Variants in ERC1 observed in about 807,000 individuals in gnomAD.
ERC1 encodes the protein RAB6 interacting protein 2.
ERC1 carries 56 observed loss-of-function variants against 132.0 expected under a neutral mutation model. The observed-to-expected ratio is 0.42, with a 90% CI of 0.34 to 0.53. ERC1 has a LOEUF of 0.53. Among genes scored for constraint, ERC1 ranks in the 20% least tolerant of loss-of-function variants. ERC1 has a pLI of 0.03. For synonymous variants in ERC1, 478 were observed against 476.1 expected, an observed-to-expected ratio of 1.00 and a Z score of -0.05; for missense variants, 1,202 against 1,349.9, an observed-to-expected ratio of 0.89 and a Z score of 1.72.
chr12:1,219,631 C>T (rs1004770231), intron 12 of ERC1, among the ~76,000 whole-genome samples: 8 of 106,996 alleles, frequency 7.5e-5, no homozygotes, highest in African/African-American at 3.8e-4. Flanking sequence ...TCAGACTGAA[C>T]TCTCTTTTTT....
chr12:1,048,181 T>TG (rs1469334108), intron 2 of ERC1, among the ~76,000 whole-genome samples: 1 of 152,248 alleles, frequency 6.6e-6, no homozygotes, highest in African/African-American at 2.4e-5. Context: ...GCTATGTTGT[T>TG]GCTCTTCCCA....
intron 12 of ERC1, among the ~76,000 whole-genome samples, chr12:1,222,391 A>G (rs1959074786): frequency 6.6e-6 from 1 of 151,792 alleles, no homozygotes; most frequent in Admixed American, 6.6e-5. Flanking sequence ...ATGCCCAGCT[A>G]ATTTTTGTAT....
chr12:1,135,532 A>C (rs1449887929), intron 7 of ERC1, among the ~76,000 whole-genome samples: 1 of 152,214 alleles, frequency 6.6e-6, no homozygotes, highest in Middle Eastern at 3.2e-3. Flanking sequence ...GAATGTGACC[A>C]TATTTGGAAA....
At chr12:1,235,994 C>T (rs908565711) in intron 12 of ERC1, among the ~76,000 whole-genome samples, 4 of 151,554 alleles carry the variant, frequency 2.6e-5, no homozygotes, top group Admixed American at 2.6e-4. Context: ...AGATACATTA[C>T]ACTCTGAATG....
intron 7 of ERC1, among the ~76,000 whole-genome samples, chr12:1,137,578 G>A (rs1949380850): frequency 1.3e-5 from 2 of 151,902 alleles, no homozygotes; most frequent in South Asian, 2.1e-4. Context: ...GGCCAGGAGC[G>A]GTGGCTCACG....
chr12:993,111 A>C (rs572690447), intron 1 of ERC1, among the ~76,000 whole-genome samples: 24 of 152,368 alleles, frequency 1.6e-4, no homozygotes, highest in African/African-American at 5.8e-4. Context: ...ATAGGTATTA[A>C]GTGAGAAAGT....
rs553527024 is a variant in ERC1, at chr12:1,173,006, C to T, written c.1738-7534C>T. On this transcript the variant is annotated intron_variant, in intron 8 of 18. Transcript: ENST00000360905. ...GTATGTTTCATCCATGAAGGATGTA[C>T]TTTTCCATTTGCAGTGGTTTGGTAC... Among the ~76,000 whole-genome samples the T allele has an allele frequency of 2.0e-5, 3 of 152,250 alleles. No individual in the cohort carries two copies. The South Asian group carries it at 6.2e-4, about 32-fold the overall frequency.
At chr12:1,399,057 C>T (rs894133890) in intron 16 of ERC1, among the ~76,000 whole-genome samples, 8 of 150,628 alleles carry the variant, frequency 5.3e-5, no homozygotes, top group Admixed American at 2.0e-4. Flanking sequence ...GCAATCCTCC[C>T]ACCTCAGCCT....
intron 12 of ERC1, among the ~76,000 whole-genome samples, chr12:1,225,497 G>T (rs1270093243): frequency 7.1e-6 from 1 of 140,374 alleles, no homozygotes; most frequent in African/African-American, 2.9e-5. Context: ...CACACACGGA[G>T]TGGTTGATTG....
chr12:1,294,951 C>T (rs573468239), intron 15 of ERC1, among the ~76,000 whole-genome samples: 1 of 152,266 alleles, frequency 6.6e-6, no homozygotes, highest in African/African-American at 2.4e-5. Context: ...TCCATTTAAT[C>T]ATAAGCTTTT....
At chr12:1,338,894 T>C (rs897595956) in intron 15 of ERC1, among the ~76,000 whole-genome samples, 3 of 152,204 alleles carry the variant, frequency 2.0e-5, no homozygotes, top group Non-Finnish European at 4.4e-5. Flanking sequence ...GTTCTCTGGC[T>C]CCTCTGAGGT....
chr12:1,190,112 T>A (rs1284074068), intron 12 of ERC1, 60 bp downstream of exon 12: 1 of 1,409,790 alleles, frequency 7.1e-7, no homozygotes, highest in Non-Finnish European at 1.0e-6. Flanking sequence ...AAAGTATGCT[T>A]TTGGGGACAT....
chr12:1,285,855 A>T (rs1018327099), intron 14 of ERC1, among the ~76,000 whole-genome samples: 1 of 152,256 alleles, frequency 6.6e-6, no homozygotes, highest in African/African-American at 2.4e-5. Context: ...AGAAAAGCTT[A>T]GGCCTGTCTC....
rs893920158 is a variant in ERC1, at chr12:1,098,116, C to T, written c.1087-6634C>T. On this transcript the variant is annotated intron_variant, in intron 3 of 18. Coordinates refer to ENST00000360905, the MANE Select transcript of ERC1 (RefSeq NM_178040.4). ...GACTGCTGTTCTTTGTTTGGGCTTT[C>T]CCTCCCTACGCCCCATACTAGACAT... 2.0e-5 allele frequency among the ~76,000 whole-genome samples: 3 copies of T among 152,178 alleles called. No individual in the cohort carries two copies. The East Asian group carries it at 5.8e-4, about 29-fold the overall frequency.
At chr12:1,451,282 C>G (rs1285389348) in intron 18 of ERC1, among the ~76,000 whole-genome samples, 1 of 151,892 alleles carries the variant, frequency 6.6e-6, no homozygotes, top group Non-Finnish European at 1.5e-5. Context: ...CTGTGTATGT[C>G]TGAATTTCCA....
At chr12:1,202,499 A>T (rs761221940) in intron 12 of ERC1, among the ~76,000 whole-genome samples, 1 of 152,122 alleles carries the variant, frequency 6.6e-6, no homozygotes, top group East Asian at 1.9e-4. Context: ...TCTACAAAAA[A>T]TACAAATATT....
At chr12:1,307,534 C>T (rs745375402) in intron 15 of ERC1, among the ~76,000 whole-genome samples, 18 of 152,286 alleles carry the variant, frequency 1.2e-4, no homozygotes, top group Non-Finnish European at 1.6e-4. Flanking sequence ...TGGGTGCATC[C>T]TTTCTGCGTC....
At chr12:1,400,916 ATTTTTTTTTTTTT>A (rs869202443) in intron 16 of ERC1, among the ~76,000 whole-genome samples, 1 of 15,056 alleles carries the variant, frequency 6.6e-5, no homozygotes, top group Non-Finnish European at 1.1e-4. Flanking sequence ...CTATTTTTGT[ATTTTTTTTTTTTT>A]TTTTTTTTTT....
intron 12 of ERC1, among the ~76,000 whole-genome samples, chr12:1,199,251 C>T (rs1956661534): frequency 3.3e-5 from 5 of 151,550 alleles, no homozygotes; most frequent in Admixed American, 2.0e-4. Flanking sequence ...GATCCAGTCA[C>T]TTCCCACCAG....
Sources: gnomAD v4.1 joint callset for allele counts (sites outside exome capture counted in the v4.1 genomes callset) on GRCh38, gnomAD v4.1.1 for gene constraint, MANE v1.5 for transcripts, NCBI Gene and HGNC (gene_info 2026-07-23, HGNC 2026-07-21) for gene names.